The following YAF2 variants were observed in gnomAD, a reference collection of about 807,000 sequenced individuals.
YAF2 encodes YY1-associated factor 2.
In YAF2, 7 loss-of-function variants were observed where a neutral mutation model predicts 20.1. The ratio of observed to expected loss-of-function variants is 0.35; its 90% CI spans 0.20 to 0.65. The LOEUF (loss-of-function observed/expected upper bound fraction) is 0.65. Ranked by LOEUF, YAF2 falls within the 30% of genes least tolerant of loss-of-function variation. The pLI is 0.69. For missense variants in YAF2, 151 were observed against 219.2 expected (o/e 0.69, Z 1.96); for synonymous variants, 74 against 76.0 (o/e 0.97, Z 0.14).
At chr12:42,195,339 G>A (rs933841606) in intron 2 of YAF2, among the ~76,000 whole-genome samples, 1 of 152,150 alleles carries the variant, frequency 6.6e-6, no homozygotes, top group African/African-American at 2.4e-5. Flanking sequence ...TCTTAAGAAT[G>A]AAATTGTGGC....
intron 2 of YAF2, among the ~76,000 whole-genome samples, chr12:42,219,032 T>C (rs1302353573): frequency 1.3e-5 from 2 of 152,158 alleles, no homozygotes; most frequent in East Asian, 1.9e-4. Context: ...CTGAACAGAA[T>C]TTGAGTGGTA....
chr12:42,218,227 C>CACAG lies in YAF2; in HGVS notation c.152+19371_152+19372insCTGT, dbSNP rs1470908981. On this transcript the variant is annotated intron_variant, in intron 2 of 3. Coordinates refer to ENST00000534854, the MANE Select transcript of YAF2 (RefSeq NM_005748.6). ...ACACACACACACACACACACACACA[C>CACAG]AGATGATTATCGATCTCATCAAGGC... Among the ~76,000 whole-genome samples the CACAG allele has an allele frequency of 5.4e-4, 78 of 145,530 alleles. 1 individual carries two copies. Among genetic ancestry groups the CACAG allele is most frequent in the African/African-American group, 1.9e-3 (72 of 37,876 alleles).
intron 2 of YAF2, among the ~76,000 whole-genome samples, chr12:42,206,379 C>T (rs527915642): frequency 2.4e-4 from 36 of 150,742 alleles, no homozygotes; most frequent in South Asian, 1.7e-3. Flanking sequence ...GAGGCTGAGG[C>T]GGGCAGATCA....
chr12:42,175,384 G>A (rs902967936), intron 2 of YAF2, among the ~76,000 whole-genome samples: 2 of 151,968 alleles, frequency 1.3e-5, no homozygotes, highest in Non-Finnish European at 2.9e-5. Flanking sequence ...CAGGAGGGAG[G>A]AATTAAAAAT....
chr12:42,210,763 A>G (rs1368426486), intron 2 of YAF2: 2 of 1,261,778 alleles, frequency 1.6e-6, no homozygotes, highest in Middle Eastern at 2.4e-4. Flanking sequence ...AATTCACTAG[A>G]TAACTATATA....
chr12:42,228,563 G>A (rs2067856445), intron 2 of YAF2, among the ~76,000 whole-genome samples: 1 of 65,166 alleles, frequency 1.5e-5, no homozygotes, highest in Admixed American at 1.2e-4. Flanking sequence ...ACTGGGAAGT[G>A]AGGAGCCCCT....
intron 2 of YAF2, among the ~76,000 whole-genome samples, chr12:42,183,846 G>A (rs889122155): frequency 6.6e-6 from 1 of 152,234 alleles, no homozygotes; most frequent in African/African-American, 2.4e-5. Flanking sequence ...GAGACGAAAA[G>A]TCAATGCCTT....
intron 2 of YAF2, among the ~76,000 whole-genome samples, chr12:42,198,746 A>G (rs17091041): frequency 0.018 from 2,715 of 152,300 alleles, 83 homozygotes; most frequent in African/African-American, 0.061. Context: ...TAGTTAAGAT[A>G]AGAGCCCACG....
chr12:42,189,140 A>G (rs1168616071), intron 2 of YAF2, among the ~76,000 whole-genome samples: 2 of 152,202 alleles, frequency 1.3e-5, no homozygotes, highest in South Asian at 2.1e-4. Context: ...AGAGAGCACT[A>G]TGAGCAAAGT....
intron 2 of YAF2, among the ~76,000 whole-genome samples, chr12:42,211,912 A>C (rs1026012620): frequency 4.0e-5 from 6 of 151,264 alleles, no homozygotes; most frequent in Non-Finnish European, 8.9e-5. Flanking sequence ...AGCCGGGTGT[A>C]GTGGCAGGTG....
At chr12:42,194,216 G>A (rs1165511588) in intron 2 of YAF2, among the ~76,000 whole-genome samples, 1 of 152,154 alleles carries the variant, frequency 6.6e-6, no homozygotes, top group Non-Finnish European at 1.5e-5. Context: ...TAGCCTAAGT[G>A]TACAGTGTTT....
chr12:42,185,198 AAAC>A (rs1486369114), intron 2 of YAF2, among the ~76,000 whole-genome samples: 13 of 152,274 alleles, frequency 8.5e-5, no homozygotes, highest in African/African-American at 2.9e-4. Flanking sequence ...ACAAACAAAC[AAAC>A]AAAAAAACAG....
intron 2 of YAF2, chr12:42,172,064 T>A (rs376344874): frequency 6.6e-6 from 1 of 152,254 alleles, no homozygotes; most frequent in African/African-American, 2.4e-5. Flanking sequence ...ATTCTTCCAA[T>A]GCTCTATGCT....
chr12:42,188,666 G>A (rs936218061), intron 2 of YAF2, among the ~76,000 whole-genome samples: 2 of 151,846 alleles, frequency 1.3e-5, no homozygotes, highest in African/African-American at 2.4e-5. Flanking sequence ...GATTATAGGC[G>A]TGAGCCACAG....
At chr12:42,164,266 G>C (rs546392684) in intron 2 of YAF2, among the ~76,000 whole-genome samples, 1 of 152,322 alleles carries the variant, frequency 6.6e-6, no homozygotes, top group East Asian at 1.9e-4. Context: ...GAAGGTATAA[G>C]TTTTGCAGTC....
intron 2 of YAF2, among the ~76,000 whole-genome samples, chr12:42,237,025 G>A (rs1278356108): frequency 6.6e-6 from 1 of 152,126 alleles, no homozygotes; most frequent in Non-Finnish European, 1.5e-5. Context: ...GGTACTTTCA[G>A]TAAAAATCTG....
At chr12:42,230,186 G>A (rs974236049) in intron 2 of YAF2, among the ~76,000 whole-genome samples, 4 of 152,184 alleles carry the variant, frequency 2.6e-5, no homozygotes, top group Non-Finnish European at 4.4e-5. Flanking sequence ...AAATCTGGGA[G>A]GCGGAGATTG....
intron 2 of YAF2, among the ~76,000 whole-genome samples, chr12:42,224,756 T>G (rs2067636844): frequency 6.6e-6 from 1 of 152,234 alleles, no homozygotes; most frequent in African/African-American, 2.4e-5. Context: ...TGTGCCACAT[T>G]TTCTTTATCC....
intron 2 of YAF2, among the ~76,000 whole-genome samples, chr12:42,197,345 G>C (rs1221442189): frequency 6.6e-6 from 1 of 152,200 alleles, no homozygotes; most frequent in African/African-American, 2.4e-5. Flanking sequence ...CTTTCACCTA[G>C]CTAGGGGCAA....
Sources: allele counts gnomAD v4.1 joint callset (sites outside exome capture counted in the v4.1 genomes callset), GRCh38; gene constraint gnomAD v4.1.1; transcripts MANE v1.5; gene names NCBI Gene and HGNC (gene_info 2026-07-23, HGNC 2026-07-21).